Variants in SRBD1 observed in about 807,000 individuals in gnomAD.
SRBD1 encodes S1 RNA-binding domain-containing protein 1.
Under a neutral mutation model 115.3 loss-of-function variants are expected in SRBD1, and 88 were observed. That is an observed-to-expected ratio of 0.76 (90% CI 0.64 to 0.91). The LOEUF (loss-of-function observed/expected upper bound fraction) is 0.91, where lower values mean the gene tolerates loss of function less well. Among genes scored for constraint, SRBD1 ranks in the 40% least tolerant of loss-of-function variants. The pLI, the probability that SRBD1 is intolerant of heterozygous loss-of-function variation, is 0.00. For synonymous variants in SRBD1, 509 were observed against 407.7 expected (o/e 1.25, Z -2.99); for missense variants, 1,385 against 1,177.4 (o/e 1.18, Z -2.58).
intron 7 of SRBD1, among the ~76,000 whole-genome samples, chr2:45,579,603 C>T (rs574811500): frequency 1.6e-4 from 24 of 151,776 alleles, no homozygotes; most frequent in Non-Finnish European, 3.2e-4. Flanking sequence ...ATTTGCAACA[C>T]ATATAAATGA....
intron 4 of SRBD1, among the ~76,000 whole-genome samples, chr2:45,597,160 C>T (rs1489518322): frequency 6.6e-6 from 1 of 152,156 alleles, no homozygotes; most frequent in African/African-American, 2.4e-5. Context: ...GTGGCTTACA[C>T]CTGTAATCCC....
At chr2:45,452,995 A>G (rs1187946781) in intron 16 of SRBD1, among the ~76,000 whole-genome samples, 1 of 151,980 alleles carries the variant, frequency 6.6e-6, no homozygotes, top group African/African-American at 2.4e-5. Flanking sequence ...CAATATGTAT[A>G]CTGTGTTTGT....
chr2:45,594,739 A>G (rs1264484740), intron 4 of SRBD1, among the ~76,000 whole-genome samples: 1 of 152,214 alleles, frequency 6.6e-6, no homozygotes, highest in African/African-American at 2.4e-5. Flanking sequence ...CCATAGACTA[A>G]AAATCAAAAT....
chr2:45,579,974 G>C lies in SRBD1; in HGVS notation c.973C>G (p.Gln325Glu). Residue 325 changes from glutamine to glutamate, a missense_variant, in exon 7 of 21, where the codon CAG (glutamine) becomes GAG (glutamate). Gln to Glu is a conservative substitution (Grantham distance 29, BLOSUM62 2). Transcript: ENST00000263736. The part of the protein sequence containing the change: ...YKTGSKGTKA[Q>E]RARQLGLEGA... ...TCTAAGCCCAACTGTCTTGCTCTCT[G>C]GGCTTTAGTCCCTTTGCTTCCAGTT... is the stretch of plus-strand genomic sequence containing the variant. The C allele has an allele frequency of 6.2e-7, 1 of 1,601,510 alleles. No homozygotes were observed.
At chr2:45,490,772 A>T (rs1192021037) in intron 14 of SRBD1, among the ~76,000 whole-genome samples, 1 of 152,152 alleles carries the variant, frequency 6.6e-6, no homozygotes, top group African/African-American at 2.4e-5. Context: ...TCAGATAATA[A>T]ATATTCCTCC....
At chr2:45,421,521 A>C (rs1286076768) in intron 16 of SRBD1, among the ~76,000 whole-genome samples, 1 of 129,974 alleles carries the variant, frequency 7.7e-6, no homozygotes, top group Non-Finnish European at 1.7e-5. Flanking sequence ...AAAAAAAAAA[A>C]AAAAAAAAAA....
intron 3 of SRBD1, among the ~76,000 whole-genome samples, chr2:45,600,818 C>A (rs1203599580): frequency 1.3e-5 from 2 of 152,184 alleles, no homozygotes; most frequent in Non-Finnish European, 2.9e-5. Context: ...AATTCCCAAA[C>A]TAAATTTTAG....
At chr2:45,583,135 G>C (rs1320068808) in intron 5 of SRBD1, among the ~76,000 whole-genome samples, 3 of 151,860 alleles carry the variant, frequency 2.0e-5, no homozygotes, top group Non-Finnish European at 4.4e-5. Context: ...TTGCTAAAAT[G>C]ATGGGCAAAA....
intron 4 of SRBD1, among the ~76,000 whole-genome samples, chr2:45,594,165 G>A (rs946090783): frequency 6.6e-6 from 1 of 152,150 alleles, no homozygotes; most frequent in Non-Finnish European, 1.5e-5. Context: ...ATTGCACTGA[G>A]ATACACAACT....
chr2:45,565,151 T>C (rs1672787184), intron 9 of SRBD1, among the ~76,000 whole-genome samples: 1 of 152,152 alleles, frequency 6.6e-6, no homozygotes, highest in Admixed American at 6.5e-5. Flanking sequence ...ACACATATAG[T>C]AATTCAAAGG....
intron 14 of SRBD1, among the ~76,000 whole-genome samples, chr2:45,522,183 T>A (rs1407528183): frequency 6.6e-6 from 1 of 151,588 alleles, no homozygotes; most frequent in Non-Finnish European, 1.5e-5. Context: ...TGCTCCAAAA[T>A]CTGAAATTTT....
chr2:45,514,969 C>G (rs1165242193), intron 14 of SRBD1, among the ~76,000 whole-genome samples: 1 of 152,136 alleles, frequency 6.6e-6, no homozygotes, highest in Non-Finnish European at 1.5e-5. Flanking sequence ...CTTATTCAGT[C>G]TTTTAATCAC....
chr2:45,427,856 C>T (rs962994025), intron 16 of SRBD1, among the ~76,000 whole-genome samples: 1 of 152,108 alleles, frequency 6.6e-6, no homozygotes, highest in Non-Finnish European at 1.5e-5. Flanking sequence ...AAAGCAAGTT[C>T]TTAGAGACCT....
chr2:45,449,641 C>T (rs1404989428), intron 16 of SRBD1, among the ~76,000 whole-genome samples: 1 of 152,102 alleles, frequency 6.6e-6, no homozygotes, highest in Non-Finnish European at 1.5e-5. Flanking sequence ...AATATTTCAA[C>T]CACTTCAACC....
At chr2:45,553,768 C>A in intron 10 of SRBD1, 38 bp from the exon 11 acceptor site, 2 of 1,384,454 alleles carry the variant, frequency 1.4e-6, no homozygotes, top group Admixed American at 2.4e-5. Flanking sequence ...ACTGATGCAA[C>A]AATAAATAAG....
At chr2:45,531,139 G>A (rs1403518366) in intron 14 of SRBD1, among the ~76,000 whole-genome samples, 1 of 151,670 alleles carries the variant, frequency 6.6e-6, no homozygotes, top group Non-Finnish European at 1.5e-5. Flanking sequence ...TGCTTTCCTT[G>A]AAAAGAAAAG....
chr2:45,459,335 C>T (rs1669244920), intron 16 of SRBD1, among the ~76,000 whole-genome samples: 1 of 152,156 alleles, frequency 6.6e-6, no homozygotes, highest in Admixed American at 6.6e-5. Flanking sequence ...GGCAATGGGC[C>T]TTCACTTCCT....
At chr2:45,587,673 C>A (rs1324639322) in intron 4 of SRBD1, among the ~76,000 whole-genome samples, 1 of 152,168 alleles carries the variant, frequency 6.6e-6, no homozygotes, top group African/African-American at 2.4e-5. Context: ...TAGAGGATAT[C>A]TCATTCTCGG....
intron 14 of SRBD1, among the ~76,000 whole-genome samples, chr2:45,511,807 G>C (rs1670980420): frequency 1.3e-5 from 2 of 152,134 alleles, no homozygotes; most frequent in Non-Finnish European, 2.9e-5. Flanking sequence ...TTTTGGCATT[G>C]TGGCTAAGCA....
Sources: gnomAD v4.1 joint callset for allele counts (sites outside exome capture counted in the v4.1 genomes callset) on GRCh38, gnomAD v4.1.1 for gene constraint, MANE v1.5 for transcripts, NCBI Gene and HGNC (gene_info 2026-07-23, HGNC 2026-07-21) for gene names.